Variants in NKAIN2 observed in about 807,000 individuals in gnomAD.
The protein encoded by NKAIN2 is sodium/potassium-transporting ATPase subunit beta-1-interacting protein 2.
A neutral mutation model predicts 32.6 loss-of-function variants in NKAIN2; 14 were observed. That is an observed-to-expected ratio of 0.43 (90% CI 0.28 to 0.67). The LOEUF (loss-of-function observed/expected upper bound fraction) is 0.67, where lower values mean the gene tolerates loss of function less well. NKAIN2 is among the 30% of genes least tolerant of loss of function. NKAIN2 has a pLI of 0.17. For missense variants in NKAIN2, 198 were observed against 258.3 expected (o/e 0.77, Z 1.60); for synonymous variants, 80 against 87.2 (o/e 0.92, Z 0.46).
chr6:124,810,703 A>T (rs1254520337), intron 5 of NKAIN2, among the ~76,000 whole-genome samples: 3 of 152,050 alleles, frequency 2.0e-5, no homozygotes, highest in Non-Finnish European at 2.9e-5. Context: ...TAAGAAGCAA[A>T]CTGAAAAATA....
chr6:124,664,858 G>A (rs539231281), intron 4 of NKAIN2, among the ~76,000 whole-genome samples: 2 of 118,386 alleles, frequency 1.7e-5, no homozygotes, highest in East Asian at 2.5e-4. Context: ...ATTAGCACAA[G>A]CAGTGGAGTT....
chr6:124,027,573 C>A (rs566273288), intron 1 of NKAIN2, among the ~76,000 whole-genome samples: 1 of 152,098 alleles, frequency 6.6e-6, no homozygotes, highest in African/African-American at 2.4e-5. Flanking sequence ...ACAGGAAACG[C>A]GTATGTATCA....
intron 3 of NKAIN2, among the ~76,000 whole-genome samples, chr6:124,415,924 T>C (rs1049596919): frequency 1.6e-5 from 2 of 127,630 alleles, no homozygotes; most frequent in African/African-American, 5.3e-5. Context: ...AATGTTAAAG[T>C]CTTATCTTCT....
chr6:124,189,843 A>G (rs1431198646), intron 1 of NKAIN2, among the ~76,000 whole-genome samples: 1 of 152,170 alleles, frequency 6.6e-6, no homozygotes, highest in Non-Finnish European at 1.5e-5. Flanking sequence ...GCTCTTCATC[A>G]TTGTTCTCCC....
chr6:124,248,717 T>A (rs1256458759), intron 1 of NKAIN2, among the ~76,000 whole-genome samples: 1 of 152,136 alleles, frequency 6.6e-6, no homozygotes, highest in Non-Finnish European at 1.5e-5. Context: ...TAAATCTTAG[T>A]ACAATGCCAC....
At chr6:124,335,584 A>G (rs1268386578) in intron 2 of NKAIN2, among the ~76,000 whole-genome samples, 1 of 152,206 alleles carries the variant, frequency 6.6e-6, no homozygotes, top group Non-Finnish European at 1.5e-5. Flanking sequence ...AGGGAAGAAT[A>G]GTAGACTATG....
At position 123,849,959 on chromosome 6, in the gene NKAIN2, T is replaced by G. The variant is rs1348119375; in HGVS notation, c.54+45705T>G. Among the ~76,000 whole-genome samples, 19 of 29,760 alleles carry G rather than the reference T, an allele frequency of 6.4e-4. No individual in the cohort carries two copies. In the South Asian group the frequency reaches 0.056, roughly 87 times the overall value. The allele number at this position is 29,760 out of a possible 152,430, so 19.5% of individuals were successfully genotyped here. A position where few individuals can be genotyped will look rare whatever the true frequency, so the allele number is the denominator to read the frequency against. On this transcript the variant is annotated intron_variant, in intron 1 of 6. Coordinates refer to ENST00000368417, the MANE Select transcript of NKAIN2 (RefSeq NM_001040214.3). ...CTGTAACTCAGGCTGGTTTTTTTTTTTTGTTTGTTTGTTTTTTTTTTAACT... is the reference window on the plus strand; with the variant it reads ...CTGTAACTCAGGCTGGTTTTTTTTTGTTGTTTGTTTGTTTTTTTTTTAACT...
chr6:124,270,528 C>G (rs147553891), intron 1 of NKAIN2, among the ~76,000 whole-genome samples: 1 of 152,134 alleles, frequency 6.6e-6, no homozygotes, highest in African/African-American at 2.4e-5. Flanking sequence ...CGAGTTTTTT[C>G]TAGAGAAAGT....
chr6:124,127,229 A>C (rs1786218149), intron 1 of NKAIN2, among the ~76,000 whole-genome samples: 1 of 152,174 alleles, frequency 6.6e-6, no homozygotes, highest in African/African-American at 2.4e-5. Context: ...GGAAAGAAAA[A>C]GCAGCTGTCC....
chr6:124,134,283 G>A (rs1786622314), intron 1 of NKAIN2, among the ~76,000 whole-genome samples: 1 of 152,026 alleles, frequency 6.6e-6, no homozygotes, highest in African/African-American at 2.4e-5. Flanking sequence ...TAGAACAAGT[G>A]GAAGAAAGAA....
intron 1 of NKAIN2, among the ~76,000 whole-genome samples, chr6:123,881,296 A>G (rs953355795): frequency 1.3e-5 from 2 of 152,194 alleles, no homozygotes; most frequent in African/African-American, 4.8e-5. Context: ...TGCTGGGATT[A>G]CAAACATGAG....
chr6:123,958,473 T>C (rs902607648), intron 1 of NKAIN2, among the ~76,000 whole-genome samples: 1 of 152,206 alleles, frequency 6.6e-6, no homozygotes, highest in African/African-American at 2.4e-5. Context: ...CCCTGAATTT[T>C]GGATTCATGT....
chr6:124,353,368 A>G (rs1287011499), intron 2 of NKAIN2, among the ~76,000 whole-genome samples: 2 of 152,186 alleles, frequency 1.3e-5, no homozygotes, highest in East Asian at 3.9e-4. Context: ...GTTCGGAATC[A>G]TGAGGGAGGT....
intron 3 of NKAIN2, among the ~76,000 whole-genome samples, chr6:124,575,171 A>G (rs1179900162): frequency 6.6e-6 from 1 of 152,128 alleles, no homozygotes. Context: ...CCTTTAGGGG[A>G]GATGGTGGCC....
intron 1 of NKAIN2, among the ~76,000 whole-genome samples, chr6:124,139,870 T>C (rs1237154542): frequency 6.6e-6 from 1 of 152,182 alleles, no homozygotes; most frequent in Non-Finnish European, 1.5e-5. Context: ...CAAGTTGGTT[T>C]CCCAAGTATT....
intron 1 of NKAIN2, among the ~76,000 whole-genome samples, chr6:124,251,848 G>T (rs1238124256): frequency 1.3e-5 from 2 of 151,884 alleles, no homozygotes; most frequent in African/African-American, 2.4e-5. Context: ...ACATTATACT[G>T]CCTAAAAAGT....
intron 1 of NKAIN2, among the ~76,000 whole-genome samples, chr6:124,157,989 C>CTAAA (rs1196020859): frequency 6.6e-6 from 1 of 152,118 alleles, no homozygotes; most frequent in Non-Finnish European, 1.5e-5. Flanking sequence ...GTGCAAAAGT[C>CTAAA]TAAATATCAA....
rs540999505 is a variant in NKAIN2, at chr6:124,007,017, T to A, written c.54+202763T>A. 6.9e-4 allele frequency among the ~76,000 whole-genome samples: 105 copies of A among 152,300 alleles called. 1 individual carries two copies. The highest frequency in any genetic ancestry group is 1.3e-3 in the Non-Finnish European group (91 of 68,040). On this transcript the variant is annotated intron_variant, in intron 1 of 6. Coordinates refer to ENST00000368417, the MANE Select transcript of NKAIN2 (RefSeq NM_001040214.3). ...AGAAATGCATCCTTAAGCAATTTTG[T>A]CATTGTGCAAACATCATACAGTGTA...
intron 2 of NKAIN2, among the ~76,000 whole-genome samples, chr6:124,351,768 G>A (rs560835405): frequency 3.9e-5 from 6 of 151,962 alleles, no homozygotes; most frequent in South Asian, 2.1e-4. Flanking sequence ...GATTACAGGC[G>A]TCTGCCACCA....
Sources: gnomAD v4.1 joint callset for allele counts (sites outside exome capture counted in the v4.1 genomes callset) on GRCh38, gnomAD v4.1.1 for gene constraint, MANE v1.5 for transcripts, NCBI Gene and HGNC (gene_info 2026-07-23, HGNC 2026-07-21) for gene names.